Variants in ANKRD18A observed in about 807,000 individuals in gnomAD.
ANKRD18A encodes the protein ankyrin repeat domain 18A.
In ANKRD18A, 72 loss-of-function variants were observed where a neutral mutation model predicts 110.6. The observed-to-expected ratio is 0.65, with a 90% confidence interval of 0.54 to 0.79. ANKRD18A has a LOEUF of 0.79. ANKRD18A is among the 30% of genes least tolerant of loss of function. The probability of loss-of-function intolerance (pLI) is 0.00; values close to 1 mark genes in which losing one functional copy is unlikely to be tolerated. For synonymous variants in ANKRD18A, 305 were observed against 410.3 expected (o/e 0.74, Z 3.10); for missense variants, 934 against 1,163.3 (o/e 0.80, Z 2.87).
chr9:38,603,769 C>T (rs1340364435), intron 6 of ANKRD18A, among the ~76,000 whole-genome samples: 3 of 152,132 alleles, frequency 2.0e-5, no homozygotes, highest in African/African-American at 7.2e-5. Flanking sequence ...TCTAATGCCT[C>T]CCCTGCTTAC....
chr9:38,604,264 C>T (rs1825256566), intron 6 of ANKRD18A: 1 of 151,850 alleles, frequency 6.6e-6, no homozygotes, highest in African/African-American at 2.4e-5. Flanking sequence ...TGCCACTGGA[C>T]TCCAGACTGG....
intron 15 of ANKRD18A, among the ~76,000 whole-genome samples, chr9:38,575,111 GAT>G (rs1823824884): frequency 1.3e-5 from 2 of 149,564 alleles, no homozygotes; most frequent in Non-Finnish European, 3.0e-5. Flanking sequence ...AAAAAAAAGT[GAT>G]ATGAACCACA....
rs529665780 is a variant in ANKRD18A at position 38,612,884 on chromosome 9, C to G, written c.496-1563G>C. 2.5e-3 allele frequency among the ~76,000 whole-genome samples: 384 copies of G among 151,808 alleles called. 2 individuals carry two copies. Among genetic ancestry groups the G allele is most frequent in the Non-Finnish European group, 3.0e-3 (207 of 67,962 alleles). On this transcript the variant is annotated intron_variant, in intron 3 of 15. Coordinates refer to ENST00000399703, the MANE Select transcript of ANKRD18A (RefSeq NM_147195.4). ...AATGTCTGCAATATTCATAATCTAT[C>G]CACTTCTCAGCAGGAATAACCTAAA...
At chr9:38,570,996 G>T, downstream of ANKRD18A, 2 of 1,084,170 alleles carry the variant, frequency 1.8e-6, no homozygotes, top group Non-Finnish European at 2.4e-6. Flanking sequence ...TTCCTGAAGA[G>T]CCCCGACCTA....
intron 6 of ANKRD18A, 42 bp downstream of exon 6, chr9:38,607,384 G>A: frequency 7.0e-7 from 1 of 1,430,238 alleles, no homozygotes. Flanking sequence ...AAATCAGTAA[G>A]ATCACCAAGG....
chr9:38,596,455 A>C (rs1397220245), intron 8 of ANKRD18A, 52 bp from the exon 9 acceptor site: 1 of 1,331,070 alleles, frequency 7.5e-7, no homozygotes, highest in African/African-American at 1.5e-5. Flanking sequence ...ATAATCTATG[A>C]TGGTTATTTC....
chr9:38,569,286 G>T (rs957440774), downstream of ANKRD18A: 157 of 952,716 alleles, frequency 1.6e-4, 4 homozygotes, highest in Non-Finnish European at 1.9e-4. Flanking sequence ...CACAGAACAG[G>T]CACCTGGTGA....
rs572392184 is a variant in ANKRD18A at position 38,586,092 on chromosome 9, A to T, written c.2247+91T>A. Reference sequence around the variant, plus strand: ...GATGCATTGATACGTGCAGCAAACCATCATGGCACACATTTACCTATGTAA... The same window carrying T: ...GATGCATTGATACGTGCAGCAAACCTTCATGGCACACATTTACCTATGTAA... On this transcript the variant is annotated intron_variant, in intron 12 of 15. Transcript: ENST00000399703. 9.8e-5 allele frequency: 127 copies of T among 1,291,512 alleles called. 1 individual carries two copies. The South Asian group carries it at 1.2e-3, about 13-fold the overall frequency. The allele number at this position is 1,291,512 out of a possible 1,614,324, so 80.0% of individuals were successfully genotyped here.
chr9:38,571,328 T>C (rs189993595), downstream of ANKRD18A: 2 of 1,037,402 alleles, frequency 1.9e-6, no homozygotes, highest in East Asian at 3.0e-5. Context: ...TGGCCTAATC[T>C]TGGGGAACTG....
At chr9:38,568,889 G>T (rs1823542456), downstream of ANKRD18A, 2 of 985,422 alleles carry the variant, frequency 2.0e-6, no homozygotes, top group South Asian at 9.4e-5. Context: ...CCCAGCAGGG[G>T]GCCTCTGTCC....
chr9:38,571,688 T>C lies in ANKRD18A; in HGVS notation c.*357A>G. The C allele has an allele frequency of 6.8e-6, 7 of 1,033,354 alleles. No individual in the cohort carries two copies. Among genetic ancestry groups the C allele is most frequent in the Non-Finnish European group, 8.1e-6 (7 of 862,214 alleles). The allele number at this position is 1,033,354 out of a possible 1,614,324, so 64.0% of individuals were successfully genotyped here. A position where few individuals can be genotyped will look rare whatever the true frequency, so the allele number is the denominator to read the frequency against. On this transcript the variant is annotated 3_prime_UTR_variant, in exon 16 of 16. Coordinates refer to ENST00000399703, the MANE Select transcript of ANKRD18A (RefSeq NM_147195.4). The stretch of plus-strand genomic sequence containing the variant: ...ATGACCTTTACTAAAGTATCAATGA[T>C]GACTTGGTTGTTTGGCTGTTTAAAC...
intron 14 of ANKRD18A, among the ~76,000 whole-genome samples, chr9:38,576,634 C>A (rs1254471155): frequency 6.6e-6 from 1 of 152,108 alleles, no homozygotes; most frequent in Non-Finnish European, 1.5e-5. Flanking sequence ...AGGATGTGCC[C>A]AGAGTAGCAG....
At chr9:38,568,291 C>A (rs921601042), downstream of ANKRD18A, 6 of 152,314 alleles carry the variant, frequency 3.9e-5, no homozygotes, top group Middle Eastern at 3.2e-3. Context: ...CCTGAGCCTG[C>A]TGCTCATTTC....
rs538197903 is a variant in ANKRD18A, at chr9:38,607,238, G to A, written c.808+188C>T. 7.4e-3 allele frequency among the ~76,000 whole-genome samples: 1,131 copies of A among 152,160 alleles called. 15 individuals carry two copies. The highest frequency in any genetic ancestry group is 0.026 in the African/African-American group (1,061 of 41,520). On this transcript the variant is annotated intron_variant, in intron 6 of 15. Coordinates refer to ENST00000399703, the MANE Select transcript of ANKRD18A (RefSeq NM_147195.4). ...TGCCCAGCTAATTTTTGTATTTTTA[G>A]TAGACATGGGGTTTCACCATGTTAG...
chr9:38,585,770 C>T (rs1406802348), intron 12 of ANKRD18A, among the ~76,000 whole-genome samples: 1 of 152,076 alleles, frequency 6.6e-6, no homozygotes, highest in African/African-American at 2.4e-5. Context: ...AGATGTCCAT[C>T]AATGATAGAC....
At chr9:38,577,701 T>A (rs1823960121) in intron 13 of ANKRD18A, among the ~76,000 whole-genome samples, 166 bp downstream of exon 13, 1 of 152,240 alleles carries the variant, frequency 6.6e-6, no homozygotes, top group Non-Finnish European at 1.5e-5. Context: ...ATAATGGAAA[T>A]TTAAATATTT....
downstream of ANKRD18A, among the ~76,000 whole-genome samples, chr9:38,570,565 C>G (rs1823601920): frequency 6.6e-6 from 1 of 152,216 alleles, no homozygotes; most frequent in Non-Finnish European, 1.5e-5. Context: ...GAGGCGGCCA[C>G]CACTAACCAG....
downstream of ANKRD18A, among the ~76,000 whole-genome samples, chr9:38,570,579 C>T (rs1352832567): frequency 1.3e-5 from 2 of 152,230 alleles, no homozygotes; most frequent in Non-Finnish European, 2.9e-5. Context: ...TAACCAGGTC[C>T]CTGCTGATCA....
At chr9:38,579,493 C>T (rs2118670351) in intron 12 of ANKRD18A, among the ~76,000 whole-genome samples, 1 of 152,052 alleles carries the variant, frequency 6.6e-6, no homozygotes, top group African/African-American at 2.4e-5. Flanking sequence ...GAGTTCAAAA[C>T]TAGGCAAAAG....
Sources: allele counts gnomAD v4.1 joint callset (sites outside exome capture counted in the v4.1 genomes callset), GRCh38; gene constraint gnomAD v4.1.1; transcripts MANE v1.5; gene names NCBI Gene and HGNC (gene_info 2026-07-23, HGNC 2026-07-21).